The following PTPRD variants were observed in gnomAD, a reference collection of about 807,000 sequenced individuals.
The protein encoded by PTPRD is protein tyrosine phosphatase receptor type D, also known as receptor-type tyrosine-protein phosphatase delta.
In PTPRD, 34 loss-of-function variants were observed where a neutral mutation model predicts 214.5. That is an observed-to-expected ratio of 0.16 (90% CI 0.12 to 0.21). The LOEUF is 0.21. Ranked by LOEUF, PTPRD falls within the 10% of genes least tolerant of loss-of-function variation. The pLI is 1.00. For synonymous variants in PTPRD, 1,128 were observed against 845.7 expected (o/e 1.33, Z -5.79); for missense variants, 2,545 against 2,398.7 (o/e 1.06, Z -1.27).
intron 33 of PTPRD, among the ~76,000 whole-genome samples, chr9:8,456,735 T>C (rs1462836968): frequency 6.6e-6 from 1 of 152,062 alleles, no homozygotes; most frequent in African/African-American, 2.4e-5. Flanking sequence ...GCTCATGGTT[T>C]CCACATCCTG....
chr9:10,097,562 C>T (rs1284675657), intron 3 of PTPRD, among the ~76,000 whole-genome samples: 37 of 151,276 alleles, frequency 2.4e-4, no homozygotes, highest in Non-Finnish European at 4.4e-4. Context: ...TGTATAAGAA[C>T]GCTTGTGATT....
chr9:9,916,764 G>T (rs933531612), intron 5 of PTPRD, among the ~76,000 whole-genome samples: 3 of 151,938 alleles, frequency 2.0e-5, no homozygotes, highest in African/African-American at 7.2e-5. Context: ...TCATTCAACA[G>T]TTGGAGAATA....
intron 11 of PTPRD, among the ~76,000 whole-genome samples, chr9:9,001,355 C>T (rs1194928603): frequency 2.6e-5 from 4 of 151,934 alleles, no homozygotes; most frequent in Admixed American, 6.6e-5. Context: ...ATCAGGGAAC[C>T]AAGACTCTGA....
intron 14 of PTPRD, among the ~76,000 whole-genome samples, chr9:8,543,174 ACCTT>A (rs1378183097): frequency 6.6e-6 from 1 of 152,120 alleles, no homozygotes; most frequent in African/African-American, 2.4e-5. Context: ...ATGTAATAAA[ACCTT>A]TTTCTTACAT....
chr9:9,778,676 C>G (rs1175275574), intron 5 of PTPRD, among the ~76,000 whole-genome samples: 2 of 152,056 alleles, frequency 1.3e-5, no homozygotes, highest in Non-Finnish European at 2.9e-5. Flanking sequence ...CCTTAGCAGC[C>G]CAGCCTGAAT....
chr9:9,850,857 A>T (rs1373204829), intron 5 of PTPRD, among the ~76,000 whole-genome samples: 1 of 152,124 alleles, frequency 6.6e-6, no homozygotes, highest in Non-Finnish European at 1.5e-5. Flanking sequence ...TCCACTGATA[A>T]TCACCATTTT....
chr9:9,640,241 G>A (rs1278528148), intron 7 of PTPRD, among the ~76,000 whole-genome samples: 1 of 152,064 alleles, frequency 6.6e-6, no homozygotes, highest in Non-Finnish European at 1.5e-5. Flanking sequence ...TGGCCAATGA[G>A]GTGCAATGTG....
chr9:8,474,762 G>C (rs1441023020), intron 30 of PTPRD, among the ~76,000 whole-genome samples: 1 of 152,112 alleles, frequency 6.6e-6, no homozygotes, highest in Non-Finnish European at 1.5e-5. Flanking sequence ...ATTCAGACAA[G>C]AATTCCCTCA....
intron 3 of PTPRD, among the ~76,000 whole-genome samples, chr9:10,239,647 C>A (rs1296070079): frequency 1.3e-5 from 2 of 151,710 alleles, no homozygotes; most frequent in Admixed American, 6.6e-5. Context: ...TTATGCATAT[C>A]ATTGCTGAGA....
In PTPRD at chr9:8,545,926, T is replaced by C. The variant is rs1281763823; in HGVS notation, c.353-17147A>G. Among the ~76,000 whole-genome samples the C allele has an allele frequency of 3.3e-5, 5 of 152,212 alleles. No individual in the cohort carries two copies. The East Asian group carries it at 7.7e-4, about 23-fold the overall frequency. ...ACTTTATACAAACTCTAGCTAAACG[T>C]AGAAGTGCTCACTTTGTCCACCTCA... On this transcript the variant is annotated intron_variant, in intron 14 of 45. Coordinates refer to ENST00000381196, the MANE Select transcript of PTPRD (RefSeq NM_002839.4).
chr9:9,713,733 G>A (rs1362447631), intron 7 of PTPRD, among the ~76,000 whole-genome samples: 1 of 152,056 alleles, frequency 6.6e-6, no homozygotes, highest in African/African-American at 2.4e-5. Context: ...AGGGACAGTG[G>A]GAGGAAAGAG....
chr9:10,130,308 A>C (rs776138250), intron 3 of PTPRD, among the ~76,000 whole-genome samples: 1 of 151,964 alleles, frequency 6.6e-6, no homozygotes, highest in Admixed American at 6.6e-5. Flanking sequence ...AAGATATTCT[A>C]TGTGGAATAA....
intron 16 of PTPRD, 69 bp from the exon 17 acceptor site, chr9:8,526,713 G>C (rs2074254654): frequency 4.7e-6 from 6 of 1,267,434 alleles, no homozygotes; most frequent in Non-Finnish European, 5.5e-6. Flanking sequence ...AAGGAGGCTA[G>C]GGCTGGGGAG....
intron 31 of PTPRD, among the ~76,000 whole-genome samples, chr9:8,469,426 T>C (rs2096610029): frequency 6.6e-6 from 1 of 152,196 alleles, no homozygotes; most frequent in South Asian, 2.1e-4. Context: ...ATTCTACAAG[T>C]TGCCTTTGCA....
At chr9:8,444,533 T>A (rs934921044) in intron 34 of PTPRD, among the ~76,000 whole-genome samples, 1 of 152,052 alleles carries the variant, frequency 6.6e-6, no homozygotes, top group African/African-American at 2.4e-5. Flanking sequence ...TTTAAATATG[T>A]CAAATAAAAA....
At chr9:9,071,845 C>G (rs370529731) in intron 10 of PTPRD, among the ~76,000 whole-genome samples, 6 of 152,238 alleles carry the variant, frequency 3.9e-5, no homozygotes, top group African/African-American at 1.4e-4. Context: ...ATTTGTTACT[C>G]TAATATAGAA....
chr9:9,170,986 T>C (rs535310925), intron 10 of PTPRD, among the ~76,000 whole-genome samples: 28 of 152,286 alleles, frequency 1.8e-4, no homozygotes, highest in African/African-American at 6.7e-4. Context: ...TACAGGCTCC[T>C]CTACATCATA....
chr9:9,084,176 G>C (rs1428075628), intron 10 of PTPRD, among the ~76,000 whole-genome samples: 3 of 152,132 alleles, frequency 2.0e-5, no homozygotes, highest in Non-Finnish European at 4.4e-5. Context: ...TGATAGACTG[G>C]ATAAAGAAAA....
chr9:9,833,711 G>C (rs1472772819), intron 5 of PTPRD, among the ~76,000 whole-genome samples: 1 of 149,750 alleles, frequency 6.7e-6, no homozygotes, highest in Non-Finnish European at 1.5e-5. Flanking sequence ...CCTACCCCTA[G>C]GTGCACATTC....
Sources: gnomAD v4.1 joint callset for allele counts (sites outside exome capture counted in the v4.1 genomes callset) on GRCh38, gnomAD v4.1.1 for gene constraint, MANE v1.5 for transcripts, NCBI Gene and HGNC (gene_info 2026-07-23, HGNC 2026-07-21) for gene names.